Variants in NAP1L4 observed in about 807,000 individuals in gnomAD.
NAP1L4 encodes the protein nucleosome assembly protein 1-like 4.
Under a neutral mutation model 58.2 loss-of-function variants are expected in NAP1L4, and 15 were observed. That is an observed-to-expected ratio of 0.26 (90% confidence interval 0.17 to 0.40). The LOEUF is 0.40. Among genes scored for constraint, NAP1L4 ranks in the 10% least tolerant of loss-of-function variants. The pLI is 1.00. For missense variants in NAP1L4, 384 were observed against 451.1 expected (o/e 0.85, Z 1.35); for synonymous variants, 171 against 155.6 (o/e 1.10, Z -0.74).
chr11:2,951,278 T>A lies in NAP1L4; in HGVS notation c.1103A>T (p.Asp368Val). Residue 368 changes from aspartate to valine, a missense_variant, in exon 14 of 16, where the codon GAT becomes GTT. By Grantham distance (152) the Asp-to-Val change is radical. Coordinates refer to ENST00000380542, the MANE Select transcript of NAP1L4 (RefSeq NM_005969.4). The surrounding 1 kb of genome is among the most constrained non-coding windows in gnomAD (Gnocchi z 4.0). ...EGDEEGEDED[D>V]AEINPKV ...ACCAACCTTGGGGTTAATTTCCGCA[T>A]CATCCTCGTCTTCTCCCTCCTCGTC... The A allele has an allele frequency of 6.2e-7, 1 of 1,614,166 alleles. No homozygotes were observed. Among genetic ancestry groups the A allele is most frequent in the Non-Finnish European group, 8.5e-7 (1 of 1,180,000 alleles).
intron 8 of NAP1L4, among the ~76,000 whole-genome samples, chr11:2,962,193 CATTTA>C (rs1235457826): frequency 6.6e-6 from 1 of 152,246 alleles, no homozygotes; most frequent in Non-Finnish European, 1.5e-5. Context: ...AACCATCAAA[CATTTA>C]ATTTAACACA....
chr11:2,972,114 A>C lies in NAP1L4; in HGVS notation c.303T>G (p.Pro101=), dbSNP rs754848867. Residue 101 remains proline (P), a synonymous_variant, in exon 5 of 16, where the codon CCT becomes CCG. Coordinates refer to ENST00000380542, the MANE Select transcript of NAP1L4 (RefSeq NM_005969.4). ...CAGAGCTCCCTACCTTGTCAAAGAG[A>C]GGCTGGTATAGCGCTGCATACTTTC... The part of the protein sequence containing the change: ...LERKYAALYQ[P]LFDKRREFIT... The C allele has an allele frequency of 1.2e-5, 19 of 1,561,982 alleles. 1 individual carries two copies. The South Asian group carries it at 2.3e-4, about 19-fold the overall frequency.
chr11:2,953,967 G>A (rs562759634), intron 12 of NAP1L4, among the ~76,000 whole-genome samples: 9 of 152,338 alleles, frequency 5.9e-5, no homozygotes, highest in South Asian at 2.1e-4. Context: ...GTTTCTAAGC[G>A]GTACTTGGGC....
At position 2,978,471 on chromosome 11, in the gene NAP1L4, A is replaced by G. The variant is rs1357661569; in HGVS notation, c.15-129T>C. The G allele has an allele frequency of 1.6e-5, 12 of 752,786 alleles. 1 individual carries two copies. Among genetic ancestry groups the G allele is most frequent in the South Asian group, 8.8e-5 (5 of 56,504 alleles). The allele number at this position is 752,786 out of a possible 1,614,324, so 46.6% of individuals were successfully genotyped here. A position where few individuals can be genotyped will look rare whatever the true frequency, so the allele number is the denominator to read the frequency against. On this transcript the variant is annotated intron_variant, in intron 2 of 15. Transcript: ENST00000380542. The stretch of plus-strand genomic sequence containing the variant: ...AGTGACGTCAGATTTGGGCAGAAGA[A>G]AACTACCAATGTGCATGTTATCTCA...
At chr11:2,988,845 G>GT (rs1257297976) in intron 1 of NAP1L4, among the ~76,000 whole-genome samples, 1 of 152,132 alleles carries the variant, frequency 6.6e-6, no homozygotes, top group East Asian at 1.9e-4. Flanking sequence ...ATCTTTCGTT[G>GT]TTTTCATACT....
At chr11:2,972,892 G>A (rs1409041178) in intron 4 of NAP1L4, among the ~76,000 whole-genome samples, 2 of 152,140 alleles carry the variant, frequency 1.3e-5, no homozygotes, top group South Asian at 4.1e-4. Flanking sequence ...GATCACTTGA[G>A]TCTGTGAGGT....
Position 2,945,408 on chromosome 11 carries a change from T to TGG in NAP1L4, c.*270_*271insCC. On this transcript the variant is annotated 3_prime_UTR_variant, in exon 16 of 16. Coordinates refer to ENST00000380542, the MANE Select transcript of NAP1L4 (RefSeq NM_005969.4). ...GGTGCTGGACGAAACCTCCTATTTCTGAAATGCATTTCAGTTGCCACTGTA... is the reference window on the plus strand; with the variant it reads ...GGTGCTGGACGAAACCTCCTATTTCTGGGAAATGCATTTCAGTTGCCACTGTA... 1 of 573,096 alleles carries TGG rather than the reference T, an allele frequency of 1.7e-6. No homozygotes were observed. Among genetic ancestry groups the TGG allele is most frequent in the South Asian group, 2.2e-5 (1 of 45,444 alleles). The allele number at this position is 573,096 out of a possible 1,614,324, so 35.5% of individuals were successfully genotyped here. A position where few individuals can be genotyped will look rare whatever the true frequency, so the allele number is the denominator to read the frequency against.
chr11:2,950,419 G>T (rs2133900105), intron 14 of NAP1L4, among the ~76,000 whole-genome samples: 1 of 152,326 alleles, frequency 6.6e-6, no homozygotes, highest in Non-Finnish European at 1.5e-5. Flanking sequence ...CACACTGACA[G>T]CTTTTAGTGC....
chr11:2,949,972 C>T lies in NAP1L4; in HGVS notation c.1123-708G>A, dbSNP rs550516269. Among the ~76,000 whole-genome samples the T allele has an allele frequency of 1.3e-5, 2 of 152,254 alleles. No homozygotes were observed. Among genetic ancestry groups the T allele is most frequent in the Non-Finnish European group, 2.9e-5 (2 of 68,048 alleles). On this transcript the variant is annotated intron_variant, in intron 14 of 15. Coordinates refer to ENST00000380542, the MANE Select transcript of NAP1L4 (RefSeq NM_005969.4). This position sits in a 1 kb window ranked among gnomAD's most constrained non-coding sequence, Gnocchi z 4.0. ...TGCAACCTTAAAAGTGTCCATTCAG[C>T]GCCCACAAGGCGGAAACACAGCCCA...
intron 1 of NAP1L4, among the ~76,000 whole-genome samples, chr11:2,980,470 G>A (rs1308433872): frequency 6.6e-6 from 1 of 152,176 alleles, no homozygotes; most frequent in Non-Finnish European, 1.5e-5. Context: ...ACAGGTGTGA[G>A]TCAACACGCC....
At chr11:2,987,737 T>C (rs1284923490) in intron 1 of NAP1L4, among the ~76,000 whole-genome samples, 3 of 118,762 alleles carry the variant, frequency 2.5e-5, no homozygotes, top group Non-Finnish European at 4.8e-5. Flanking sequence ...AGCCTGGGCA[T>C]CAGAGCGAGA....
chr11:2,963,544 A>T (rs1295961037), intron 8 of NAP1L4, among the ~76,000 whole-genome samples: 1 of 152,222 alleles, frequency 6.6e-6, no homozygotes, highest in African/African-American at 2.4e-5. Context: ...ACAGACAGGA[A>T]AAAGTAGAAG....
Position 2,945,603 on chromosome 11 carries a change from G to A in NAP1L4, c.*76C>T. 6.5e-7 allele frequency: 1 copy of A among 1,535,930 alleles called. No homozygotes were observed. Among genetic ancestry groups the A allele is most frequent in the Non-Finnish European group, 8.7e-7 (1 of 1,146,792 alleles). ...GCCGGTCTGCCAGGCACCCGCCTCC[G>A]CTTCCTACTGCTGCTTGCATTCCGC... is the stretch of plus-strand genomic sequence containing the variant. On this transcript the variant is annotated 3_prime_UTR_variant, in exon 16 of 16. Transcript: ENST00000380542.
At position 2,971,872 on chromosome 11, in the gene NAP1L4, C is replaced by T. The variant is rs913664248; in HGVS notation, c.315+230G>A. On this transcript the variant is annotated intron_variant, in intron 5 of 15. Transcript: ENST00000380542. The surrounding 1 kb of genome is among the most constrained non-coding windows in gnomAD (Gnocchi z 4.2). ...TCTGTGTAGGGTTCAATACATTACG[C>T]GAGATACTCAGCACTTTATTATAAA... Among the ~76,000 whole-genome samples, 12 of 152,236 alleles carry T rather than the reference C, an allele frequency of 7.9e-5. No homozygotes were observed. The highest frequency in any genetic ancestry group is 5.8e-4 in the East Asian group (3 of 5,188).
chr11:2,988,688 T>C (rs1364850422), intron 1 of NAP1L4, among the ~76,000 whole-genome samples: 24 of 152,210 alleles, frequency 1.6e-4, no homozygotes, highest in Admixed American at 1.6e-3. Context: ...AACAGGCTTT[T>C]CCAGATAATG....
chr11:2,971,029 C>T lies in NAP1L4; in HGVS notation c.402+419G>A, dbSNP rs1847610617. On this transcript the variant is annotated intron_variant, in intron 6 of 15. Transcript: ENST00000380542. This position sits in a 1 kb window ranked among gnomAD's most constrained non-coding sequence, Gnocchi z 4.2. ...AGGTGACTGATGGCCACACCACAAC[C>T]ACCATCTGCAACCAATCCACTGGCG... Among the ~76,000 whole-genome samples the T allele has an allele frequency of 6.6e-6, 1 of 152,176 alleles. No individual in the cohort carries two copies. The highest frequency in any genetic ancestry group is 2.4e-5 in the African/African-American group (1 of 41,440).
intron 15 of NAP1L4, 24 bp from the exon 16 acceptor site, chr11:2,945,670 T>C: frequency 1.3e-6 from 2 of 1,533,672 alleles, no homozygotes; most frequent in Non-Finnish European, 1.7e-6. Context: ...AGACAAGGCT[T>C]GTAGAGAGCA....
chr11:2,963,300 CCAA>C (rs1196654922), intron 8 of NAP1L4, among the ~76,000 whole-genome samples: 1 of 152,108 alleles, frequency 6.6e-6, no homozygotes, highest in Non-Finnish European at 1.5e-5. Flanking sequence ...AGAATGCACA[CCAA>C]CGAGGGCAAA....
In NAP1L4 at chr11:2,955,799, TA is replaced by T; in HGVS notation, c.893-34del. 6.2e-7 allele frequency: 1 copy of T among 1,602,470 alleles called. No individual in the cohort carries two copies. Among genetic ancestry groups the T allele is most frequent in the Non-Finnish European group, 8.5e-7 (1 of 1,171,148 alleles). On this transcript the variant is annotated intron_variant, in intron 10 of 15. Coordinates refer to ENST00000380542, the MANE Select transcript of NAP1L4 (RefSeq NM_005969.4). The surrounding 1 kb of genome is among the most constrained non-coding windows in gnomAD (Gnocchi z 4.2). ...AAGAAAAGACAAAACATATTTAAATTACAGTGACAACTCCCAGAATTTTAAA... is the reference window on the plus strand; with the variant it reads ...AAGAAAAGACAAAACATATTTAAATTCAGTGACAACTCCCAGAATTTTAAA...
Sources: allele counts gnomAD v4.1 joint callset (sites outside exome capture counted in the v4.1 genomes callset), GRCh38; gene constraint gnomAD v4.1.1; non-coding constraint Gnocchi (gnomAD v3.1); transcripts MANE v1.5; gene names NCBI Gene and HGNC (gene_info 2026-07-23, HGNC 2026-07-21).